Variants in OCA2 observed in about 807,000 individuals in gnomAD.
OCA2 encodes the protein P protein.
A neutral mutation model predicts 100.2 loss-of-function variants in OCA2; 77 were observed. That is an observed-to-expected ratio of 0.77 (90% CI 0.64 to 0.93). The LOEUF is 0.93. Ranked by LOEUF, OCA2 falls within the 40% of genes least tolerant of loss-of-function variation. OCA2 has a pLI of 0.00. For synonymous variants in OCA2, 432 were observed against 439.2 expected (o/e 0.98, Z 0.21); for missense variants, 1,062 against 1,089.1 (o/e 0.98, Z 0.35).
the OCA2 span, among the ~76,000 whole-genome samples, chr15:27,720,943 G>A: frequency 2.6e-5 from 4 of 152,098 alleles, no homozygotes; most frequent in Non-Finnish European, 5.9e-5. Context: ...AAAGCCCCTG[G>A]GAAGCTCCTG....
intron 23 of OCA2, among the ~76,000 whole-genome samples, chr15:27,834,915 C>T (rs4778192): frequency 0.49 from 74,873 of 151,942 alleles, 19,237 homozygotes; most frequent in South Asian, 0.76. Context: ...GCTAAGCCAA[C>T]GGGACAATGC....
chr15:27,993,246 G>C (rs1234620077), intron 9 of OCA2, among the ~76,000 whole-genome samples: 1 of 152,192 alleles, frequency 6.6e-6, no homozygotes, highest in East Asian at 1.9e-4. Flanking sequence ...TGGATTAAGT[G>C]CTCTACACAC....
At chr15:27,818,199 G>A (rs1021180040) in intron 23 of OCA2, among the ~76,000 whole-genome samples, 7 of 152,226 alleles carry the variant, frequency 4.6e-5, no homozygotes, top group South Asian at 4.2e-4. Context: ...AGATCAGCCC[G>A]GCTAACATGG....
chr15:27,829,484 A>C (rs1225850574), intron 23 of OCA2, among the ~76,000 whole-genome samples: 1 of 152,196 alleles, frequency 6.6e-6, no homozygotes, highest in Non-Finnish European at 1.5e-5. Context: ...GGCTTTGTCC[A>C]TTCAACTCTT....
intron 18 of OCA2, among the ~76,000 whole-genome samples, chr15:27,940,233 C>A (rs1164229945): frequency 1.3e-5 from 2 of 152,216 alleles, no homozygotes; most frequent in Non-Finnish European, 1.5e-5. Context: ...TCATGTAAAA[C>A]CCTTAACAAA....
In OCA2 at chr15:27,989,592, T is replaced by G. The variant is rs2041479316; in HGVS notation, c.1182+9A>C. 1.9e-6 allele frequency: 3 copies of G among 1,613,138 alleles called. No homozygotes were observed. Among genetic ancestry groups the G allele is most frequent in the Non-Finnish European group, 1.7e-6 (2 of 1,179,168 alleles). On this transcript the variant is annotated intron_variant, in intron 11 of 23. Coordinates refer to ENST00000354638, the MANE Select transcript of OCA2 (RefSeq NM_000275.3). ...TGGAGCCCAGTCCCACGGGGAGAGC[T>G]GTAATTACCATGCCAAACAGCAGGG...
chr15:28,048,652 T>C (rs1239453058), intron 2 of OCA2, among the ~76,000 whole-genome samples: 2 of 151,890 alleles, frequency 1.3e-5, no homozygotes, highest in East Asian at 3.9e-4. Context: ...TCCCAAGCAA[T>C]AACAGAAAAA....
intron 6 of OCA2, among the ~76,000 whole-genome samples, chr15:28,018,993 G>A (rs1364933152): frequency 1.3e-5 from 2 of 152,154 alleles, no homozygotes; most frequent in Non-Finnish European, 2.9e-5. Context: ...TTCTTGTCAA[G>A]CAACGCTTAT....
At chr15:27,952,612 G>A (rs1393246942) in intron 17 of OCA2, among the ~76,000 whole-genome samples, 2 of 152,192 alleles carry the variant, frequency 1.3e-5, no homozygotes, top group Admixed American at 6.5e-5. Context: ...TGTGTGAAAG[G>A]ATAACTGCAC....
intron 19 of OCA2, among the ~76,000 whole-genome samples, chr15:27,909,614 T>C (rs2038309493): frequency 6.6e-6 from 1 of 152,134 alleles, no homozygotes; most frequent in Non-Finnish European, 1.5e-5. Flanking sequence ...GAAAAGCTAA[T>C]GTAGGATAAA....
intron 21 of OCA2, among the ~76,000 whole-genome samples, chr15:27,855,930 A>C (rs2035931987): frequency 6.6e-6 from 1 of 152,192 alleles, no homozygotes; most frequent in African/African-American, 2.4e-5. Context: ...CTGCTGTCAC[A>C]AAGCACCACG....
chr15:27,775,945 C>T (rs1044647627), intron 23 of OCA2, among the ~76,000 whole-genome samples: 11 of 152,318 alleles, frequency 7.2e-5, no homozygotes, highest in South Asian at 2.1e-4. Context: ...ATGGATTTTG[C>T]GGGGACATGG....
At chr15:27,803,763 TAAA>T (rs1473614415) in intron 23 of OCA2, among the ~76,000 whole-genome samples, 2 of 152,100 alleles carry the variant, frequency 1.3e-5, no homozygotes, top group Admixed American at 6.6e-5. Flanking sequence ...TTACCACAAT[TAAA>T]AAACAGTGAG....
At chr15:27,729,807 T>C in the OCA2 span, among the ~76,000 whole-genome samples, 2 of 152,230 alleles carry the variant, frequency 1.3e-5, no homozygotes, top group Non-Finnish European at 2.9e-5. Flanking sequence ...AGCTATAAAC[T>C]GGAGTGTAGC....
At chr15:27,846,971 T>A (rs2035559999) in intron 22 of OCA2, among the ~76,000 whole-genome samples, 1 of 152,114 alleles carries the variant, frequency 6.6e-6, no homozygotes, top group Non-Finnish European at 1.5e-5. Context: ...ACATCAGACA[T>A]CCACCCATCT....
chr15:28,047,190 T>G (rs2043372507), intron 2 of OCA2, among the ~76,000 whole-genome samples: 1 of 152,148 alleles, frequency 6.6e-6, no homozygotes, highest in South Asian at 2.1e-4. Context: ...AGCAGTGGTT[T>G]CCAAAAATAA....
chr15:27,824,602 C>CTCTCTCTCTCTCTCTCTA lies in OCA2; in HGVS notation c.2432+20356_2432+20357insTAGAGAGAGAGAGAGAGA. On this transcript the variant is annotated intron_variant, in intron 23 of 23. Coordinates refer to ENST00000354638, the MANE Select transcript of OCA2 (RefSeq NM_000275.3). Reference sequence around the variant, plus strand: ...TTTCTCTCTCTCTCTCTCTCTCTCTCTATATATATATATATATATAATATA... The same window carrying CTCTCTCTCTCTCTCTCTA: ...TTTCTCTCTCTCTCTCTCTCTCTCTCTCTCTCTCTCTCTCTCTATATATATATATATATATATAATATA... Among the ~76,000 whole-genome samples, 20 of 47,592 alleles carry CTCTCTCTCTCTCTCTCTA rather than the reference C, an allele frequency of 4.2e-4. 2 individuals are homozygous for CTCTCTCTCTCTCTCTCTA. Among genetic ancestry groups the CTCTCTCTCTCTCTCTCTA allele is most frequent in the South Asian group, 3.1e-3 (2 of 652 alleles). The allele number at this position is 47,592 out of a possible 152,430, so 31.2% of individuals were successfully genotyped here. A position where few individuals can be genotyped will look rare whatever the true frequency, so the allele number is the denominator to read the frequency against.
chr15:28,032,772 G>A (rs1338037475), intron 2 of OCA2, among the ~76,000 whole-genome samples: 9 of 137,886 alleles, frequency 6.5e-5, no homozygotes, highest in African/African-American at 2.2e-4. Context: ...CAGCCTGGGT[G>A]ACAGAGCGAG....
At chr15:28,014,698 C>T in intron 9 of OCA2, 78 bp downstream of exon 9, 5 of 1,498,634 alleles carry the variant, frequency 3.3e-6, no homozygotes, top group Non-Finnish European at 4.6e-6. Flanking sequence ...GGACTGAGCC[C>T]ATCCAGAGTG....
Sources: allele counts gnomAD v4.1 joint callset (sites outside exome capture counted in the v4.1 genomes callset), GRCh38; gene constraint gnomAD v4.1.1; transcripts MANE v1.5; gene names NCBI Gene and HGNC (gene_info 2026-07-23, HGNC 2026-07-21).